The following SLC35F3 variants were observed in gnomAD, a reference collection of about 807,000 sequenced individuals.
SLC35F3 encodes the protein solute carrier family 35 member F3.
SLC35F3 carries 25 observed loss-of-function variants against 49.9 expected under a neutral mutation model. The ratio of observed to expected loss-of-function variants is 0.50; its 90% CI spans 0.37 to 0.70. The LOEUF is 0.70. SLC35F3 is among the 30% of genes least tolerant of loss of function. The pLI is 0.00. For missense variants in SLC35F3, 525 were observed against 639.8 expected (o/e 0.82, Z 1.94); for synonymous variants, 275 against 265.4 (o/e 1.04, Z -0.35).
chr1:233,989,935 T>G (rs1663325863), intron 2 of SLC35F3, among the ~76,000 whole-genome samples: 1 of 152,208 alleles, frequency 6.6e-6, no homozygotes, highest in African/African-American at 2.4e-5. Context: ...ATATACATAT[T>G]GCATTTTGAT....
chr1:234,229,750 G>A (rs1043611369), intron 2 of SLC35F3, among the ~76,000 whole-genome samples: 6 of 152,126 alleles, frequency 3.9e-5, no homozygotes, highest in East Asian at 1.9e-4. Flanking sequence ...AAATTATCCC[G>A]ATAATGAACA....
At chr1:234,101,788 G>T (rs1207154895) in intron 2 of SLC35F3, among the ~76,000 whole-genome samples, 1 of 152,220 alleles carries the variant, frequency 6.6e-6, no homozygotes, top group Non-Finnish European at 1.5e-5. Context: ...TATTGGAAGG[G>T]ACGTGGGTCA....
chr1:234,130,473 T>TAAAAA (rs71170467), intron 2 of SLC35F3, among the ~76,000 whole-genome samples: 2,595 of 138,782 alleles, frequency 0.019, 53 homozygotes, highest in South Asian at 0.049. Flanking sequence ...ACCCCGTCTC[T>TAAAAA]AAAAAAAAAA....
chr1:234,049,225 C>G (rs1424169383), intron 2 of SLC35F3, among the ~76,000 whole-genome samples: 3 of 152,092 alleles, frequency 2.0e-5, no homozygotes, highest in Admixed American at 1.3e-4. Flanking sequence ...TTGTACCCCC[C>G]ACCCCAATAC....
chr1:234,318,773 G>A lies in SLC35F3; in HGVS notation c.977G>A (p.Gly326Asp), dbSNP rs778865113. 1 of 1,614,102 alleles carries A rather than the reference G, an allele frequency of 6.2e-7. No individual in the cohort carries two copies. Among genetic ancestry groups the A allele is most frequent in the Admixed American group, 1.7e-5 (1 of 60,014 alleles). The change falls in exon 6 of 8, where the codon GGC (glycine) becomes GAC (aspartate). Residue 326 changes from glycine (G) to aspartate (D), a missense_variant. Around this residue, in one of 4 missense-constraint regions of SLC35F3, gnomAD observed 216 missense variants for 298.1 expected, o/e 0.72. Coordinates refer to ENST00000366618, the MANE Select transcript of SLC35F3 (RefSeq NM_173508.4). ...CAGGTTTTGTTCAAGCTCCTCCTGG[G>A]CAGTGCTAAGTTTGGAGAAGCCGCC... ...LYKVLFKLLL[G>D]SAKFGEAALF...
intron 2 of SLC35F3, among the ~76,000 whole-genome samples, chr1:234,212,093 C>T (rs372039991): frequency 6.6e-6 from 1 of 152,198 alleles, no homozygotes; most frequent in South Asian, 2.1e-4. Context: ...TAAGACGTGG[C>T]TTGCTCCTCC....
chr1:233,977,382 C>A (rs1391040931), intron 2 of SLC35F3, among the ~76,000 whole-genome samples: 2 of 152,164 alleles, frequency 1.3e-5, no homozygotes, highest in East Asian at 1.9e-4. Context: ...AGAAGGCAGG[C>A]CTTTGTAGTC....
Position 233,950,860 on chromosome 1 carries a change from CT to C in SLC35F3, c.283+45103del, listed in dbSNP as rs201008005. 3.0e-3 allele frequency among the ~76,000 whole-genome samples: 453 copies of C among 152,072 alleles called. 22 individuals are homozygous for C. The East Asian group carries it at 0.075, about 25-fold the overall frequency. On this transcript the variant is annotated intron_variant, in intron 2 of 7. Coordinates refer to ENST00000366618, the MANE Select transcript of SLC35F3 (RefSeq NM_173508.4). ...AAACTTTTGTTGGTTTTTTTTCCCC[CT>C]GCAATATCCCTGCAATATCCCCAGT...
At chr1:234,266,385 T>C (rs1476831322) in intron 3 of SLC35F3, among the ~76,000 whole-genome samples, 1 of 152,252 alleles carries the variant, frequency 6.6e-6, no homozygotes, top group Admixed American at 6.5e-5. Context: ...TTTATGCCTT[T>C]TGTGCCCACC....
chr1:233,958,759 T>C (rs1159027537), intron 2 of SLC35F3, among the ~76,000 whole-genome samples: 2 of 152,238 alleles, frequency 1.3e-5, no homozygotes, highest in African/African-American at 4.8e-5. Flanking sequence ...TTGTGATGTT[T>C]GGAGAGGAGA....
intron 4 of SLC35F3, among the ~76,000 whole-genome samples, chr1:234,313,065 C>G (rs1558107608): frequency 2.0e-5 from 3 of 152,132 alleles, no homozygotes; most frequent in East Asian, 3.9e-4. Context: ...TTTGTAGAGA[C>G]AGAGTCTCAC....
At chr1:234,147,423 A>C (rs964678150) in intron 2 of SLC35F3, among the ~76,000 whole-genome samples, 1 of 151,956 alleles carries the variant, frequency 6.6e-6, no homozygotes, top group Non-Finnish European at 1.5e-5. Context: ...GTTTCATATT[A>C]TTGCTTCATA....
chr1:233,990,862 A>T (rs539138388), intron 2 of SLC35F3, among the ~76,000 whole-genome samples: 88 of 152,336 alleles, frequency 5.8e-4, no homozygotes, highest in Non-Finnish European at 1.0e-3. Flanking sequence ...CTGCAAAATA[A>T]TTGGCATCTG....
At chr1:234,138,132 G>A (rs1317994156) in intron 2 of SLC35F3, among the ~76,000 whole-genome samples, 3 of 152,176 alleles carry the variant, frequency 2.0e-5, no homozygotes, top group African/African-American at 7.2e-5. Flanking sequence ...CTGAAGTTCA[G>A]TTTCAACATC....
At chr1:234,054,345 T>C (rs1353461755) in intron 2 of SLC35F3, among the ~76,000 whole-genome samples, 6 of 152,198 alleles carry the variant, frequency 3.9e-5, no homozygotes, top group African/African-American at 1.2e-4. Flanking sequence ...TGTTTCTTTT[T>C]ACTCTTTTTT....
chr1:234,208,068 A>T (rs1229083601), intron 2 of SLC35F3, among the ~76,000 whole-genome samples: 1 of 152,210 alleles, frequency 6.6e-6, no homozygotes, highest in Non-Finnish European at 1.5e-5. Flanking sequence ...AAAGGTGTCC[A>T]ATTCTTTCAG....
intron 4 of SLC35F3, among the ~76,000 whole-genome samples, chr1:234,316,117 T>TG (rs1239462650): frequency 6.6e-6 from 1 of 152,076 alleles, no homozygotes; most frequent in East Asian, 1.9e-4. Context: ...GGGTAGAAAA[T>TG]GGGGAAAAGA....
intron 2 of SLC35F3, among the ~76,000 whole-genome samples, chr1:234,096,654 G>C (rs1665129621): frequency 6.6e-6 from 1 of 152,114 alleles, no homozygotes; most frequent in African/African-American, 2.4e-5. Context: ...AAGGTTGGGG[G>C]AGCTAGATTC....
At chr1:233,981,117 A>G (rs762078489) in intron 2 of SLC35F3, among the ~76,000 whole-genome samples, 5 of 152,236 alleles carry the variant, frequency 3.3e-5, no homozygotes, top group Non-Finnish European at 5.9e-5. Flanking sequence ...CCCCGCTGGT[A>G]GCATTTTACA....
Sources: gnomAD v4.1 joint callset for allele counts (sites outside exome capture counted in the v4.1 genomes callset) on GRCh38, gnomAD v4.1.1 for gene constraint, gnomAD v4.1.1 regional missense constraint, MANE v1.5 for transcripts, NCBI Gene and HGNC (gene_info 2026-07-23, HGNC 2026-07-21) for gene names.